The following OSBPL9 variants were observed in gnomAD, a reference collection of about 807,000 sequenced individuals.
OSBPL9 encodes the protein oxysterol-binding protein-related protein 9.
A neutral mutation model predicts 106.6 loss-of-function variants in OSBPL9; 40 were observed. The ratio of observed to expected loss-of-function variants is 0.38; its 90% confidence interval spans 0.29 to 0.49. The LOEUF (loss-of-function observed/expected upper bound fraction) is 0.49, where lower values mean the gene tolerates loss of function less well. Ranked by LOEUF, OSBPL9 falls within the 20% of genes least tolerant of loss-of-function variation. OSBPL9 has a pLI of 0.97. For missense variants in OSBPL9, 609 were observed against 887.2 expected (o/e 0.69, Z 3.98); for synonymous variants, 269 against 295.4 (o/e 0.91, Z 0.92).
chr1:51,617,171 T>C lies in OSBPL9; in HGVS notation c.61T>C (p.Tyr21His), dbSNP rs1644090335. ...GACTAACGTGATGAAGGGCTGGCAG[T>C]ACCGTTGGTTCGTGCTGGACTACAA... ...KWTNVMKGWQ[Y>H]RWFVLDYNAG... Residue 21 changes from tyrosine (Y) to histidine (H), a missense_variant, in exon 1 of 24, where the codon TAC becomes CAC. Tyr to His is a moderately conservative substitution (Grantham distance 83). This residue lies in a region of OSBPL9 where 72 missense variants were observed against 140.5 expected (regional missense o/e 0.51). Transcript: ENST00000428468. 1 of 1,613,744 alleles carries C rather than the reference T, an allele frequency of 6.2e-7. No individual in the cohort carries two copies. Among genetic ancestry groups the C allele is most frequent in the African/African-American group, 1.3e-5 (1 of 74,946 alleles).
chr1:51,753,724 C>T (rs947303002), intron 8 of OSBPL9, among the ~76,000 whole-genome samples: 9 of 152,314 alleles, frequency 5.9e-5, no homozygotes, highest in Middle Eastern at 6.8e-3. Flanking sequence ...TAATTTTAAG[C>T]TCCTTCCAGT....
At position 51,646,266 on chromosome 1, in the gene OSBPL9, A is replaced by G. The variant is rs965299824; in HGVS notation, c.112-5725A>G. 2.0e-5 allele frequency among the ~76,000 whole-genome samples: 3 copies of G among 152,020 alleles called. No individual in the cohort carries two copies. In the South Asian group the frequency reaches 6.2e-4, roughly 32 times the overall value. ...ATCTAAGAGCATGAGGTATCTTTCT[A>G]TTTATTTAGGTCTTCTTTAATTTCC... On this transcript the variant is annotated intron_variant, in intron 1 of 23. Coordinates refer to ENST00000428468, the MANE Select transcript of OSBPL9 (RefSeq NM_024586.6).
chr1:51,752,126 T>C (rs1669371270), intron 8 of OSBPL9, among the ~76,000 whole-genome samples: 4 of 152,254 alleles, frequency 2.6e-5, no homozygotes, highest in South Asian at 2.1e-4. Flanking sequence ...TGGAATGAAA[T>C]AGAAACTACT....
chr1:51,602,396 C>T (rs1160663804), intron 2 of OSBPL9, among the ~76,000 whole-genome samples: 11 of 149,352 alleles, frequency 7.4e-5, no homozygotes, highest in South Asian at 2.1e-4. Context: ...TAATCCGTCT[C>T]GTTCATGAAA....
At chr1:51,649,930 A>G (rs1646411419) in intron 1 of OSBPL9, among the ~76,000 whole-genome samples, 1 of 151,936 alleles carries the variant, frequency 6.6e-6, no homozygotes, top group South Asian at 2.1e-4. Flanking sequence ...GCTAGAGTGC[A>G]GGGGTGTGGT....
rs1283511669 is a variant in OSBPL9, at chr1:51,760,776, T to A, written c.669T>A (p.Pro223=). The A allele has an allele frequency of 6.2e-7, 1 of 1,613,600 alleles. No homozygotes were observed. The highest frequency in any genetic ancestry group is 8.5e-7 in the Non-Finnish European group (1 of 1,179,736). Residue 223 remains proline, a synonymous_variant, in exon 10 of 24, where the codon CCT becomes CCA. Transcript: ENST00000428468. The part of the protein sequence containing the change: ...ISTMPSQTVL[P]PEPVQLCKSE... ...CAATGCCTTCCCAGACTGTGTTACC[T>A]CCAGGTAATTTGGGAAAATGTTTCT... is the stretch of plus-strand genomic sequence containing the variant.
In OSBPL9 at chr1:51,787,547, G is replaced by A. The variant is rs572584680; in HGVS notation, c.2136+59G>A. The A allele has an allele frequency of 1.6e-5, 26 of 1,609,054 alleles. No individual in the cohort carries two copies. The African/African-American group carries it at 3.1e-4, about 19-fold the overall frequency. On this transcript the variant is annotated intron_variant, in intron 23 of 23. Transcript: ENST00000428468. ...TTCCTCCTAATTTATTTCAGTGAAT[G>A]TTGAAGAAGTGATGTGCCAAACACT...
chr1:51,724,370 G>A (rs148959786), intron 4 of OSBPL9, among the ~76,000 whole-genome samples: 2,779 of 152,074 alleles, frequency 0.018, 46 homozygotes, highest in African/African-American at 0.044. Flanking sequence ...TGCCACCTCC[G>A]CCTCCTGGGT....
chr1:51,523,393 C>T, the OSBPL9 span, among the ~76,000 whole-genome samples: 232 of 152,030 alleles, frequency 1.5e-3, 1 homozygote, highest in African/African-American at 5.3e-3. Context: ...AGGTGTGAGC[C>T]ACCGCACCCA....
chr1:51,570,845 C>T, the OSBPL9 span, among the ~76,000 whole-genome samples: 74 of 151,622 alleles, frequency 4.9e-4, no homozygotes, highest in African/African-American at 1.6e-3. Flanking sequence ...TTTTTGGAGA[C>T]GGAGTCTTGC....
At chr1:51,548,665 C>A in the OSBPL9 span, among the ~76,000 whole-genome samples, 7 of 152,312 alleles carry the variant, frequency 4.6e-5, no homozygotes, top group African/African-American at 1.7e-4. Context: ...CCTGGGATTA[C>A]AGGTGTGGGC....
At chr1:51,618,453 G>A (rs1317793561) in intron 1 of OSBPL9, among the ~76,000 whole-genome samples, 2 of 152,140 alleles carry the variant, frequency 1.3e-5, no homozygotes, top group Non-Finnish European at 2.9e-5. Context: ...CGATATGAGG[G>A]AAGAAAATAC....
chr1:51,570,114 A>C, the OSBPL9 span, among the ~76,000 whole-genome samples: 11 of 152,184 alleles, frequency 7.2e-5, no homozygotes, highest in Non-Finnish European at 1.2e-4. Flanking sequence ...TGTTTTTCCG[A>C]GGCTCCCCTG....
intron 3 of OSBPL9, among the ~76,000 whole-genome samples, chr1:51,693,534 A>T (rs1442555129): frequency 6.6e-6 from 1 of 152,194 alleles, no homozygotes; most frequent in Non-Finnish European, 1.5e-5. Context: ...AGCATATAGG[A>T]GGCGTAGTAA....
chr1:51,754,623 C>T (rs1033115941), intron 8 of OSBPL9, among the ~76,000 whole-genome samples: 1 of 152,084 alleles, frequency 6.6e-6, no homozygotes, highest in African/African-American at 2.4e-5. Context: ...AATATGAGAG[C>T]TATAAATGTA....
chr1:51,782,529 A>G, intron 16 of OSBPL9, 30 bp from the exon 17 acceptor site: 2 of 1,606,378 alleles, frequency 1.2e-6, no homozygotes, highest in South Asian at 2.2e-5. Flanking sequence ...TTTTCTCATC[A>G]AAAGAAAATT....
Position 51,590,958 on chromosome 1 carries a change from G to A in OSBPL9, c.-422-7166G>A, listed in dbSNP as rs548736465. On this transcript the variant is annotated intron_variant, in intron 1 of 25. Coordinates refer to the OSBPL9 transcript ENST00000371714. ...TTTTGAGACGGAGTCTCGCTCTGTC[G>A]CCCAGGCTGGAGTGCAGTGGCGCGA... is the stretch of plus-strand genomic sequence containing the variant. 1.5e-4 allele frequency among the ~76,000 whole-genome samples: 21 copies of A among 138,060 alleles called. No individual in the cohort carries two copies. In the East Asian group the frequency reaches 3.3e-3, roughly 21 times the overall value. The allele number at this position is 138,060 out of a possible 152,430, so 90.6% of individuals were successfully genotyped here. A position where few individuals can be genotyped will look rare whatever the true frequency, so the allele number is the denominator to read the frequency against.
the OSBPL9 span, chr1:51,519,128 C>G: frequency 9.0e-7 from 1 of 1,113,352 alleles, no homozygotes; most frequent in Non-Finnish European, 1.2e-6. Flanking sequence ...GCCAAGAAGT[C>G]GGCGAAGCTG....
chr1:51,549,546 T>G, the OSBPL9 span, among the ~76,000 whole-genome samples: 10 of 152,176 alleles, frequency 6.6e-5, no homozygotes, highest in Non-Finnish European at 1.5e-4. Flanking sequence ...AAAATACATT[T>G]GAAGGGCAGG....
Sources: gnomAD v4.1 joint callset for allele counts (sites outside exome capture counted in the v4.1 genomes callset) on GRCh38, gnomAD v4.1.1 for gene constraint, gnomAD v4.1.1 regional missense constraint, MANE v1.5 for transcripts, NCBI Gene and HGNC (gene_info 2026-07-23, HGNC 2026-07-21) for gene names.